SPIN1: variants seen among roughly 807,000 people sequenced by gnomAD.
The protein encoded by SPIN1 is spindlin-1.
A neutral mutation model predicts 26.0 loss-of-function variants in SPIN1; 3 were observed. The observed-to-expected ratio is 0.12, with a 90% CI of 0.05 to 0.30. SPIN1 has a LOEUF of 0.30. Ranked by LOEUF, SPIN1 falls within the 10% of genes least tolerant of loss-of-function variation. The pLI, the probability that SPIN1 is intolerant of heterozygous loss-of-function variation, is 1.00. For missense variants in SPIN1, 126 were observed against 333.4 expected, an observed-to-expected ratio of 0.38 and a Z score of 4.84; for synonymous variants, 101 against 116.5, an observed-to-expected ratio of 0.87 and a Z score of 0.86.
Position 88,468,391 on chromosome 9 carries a change from T to A in SPIN1, c.375T>A (p.Asp125Glu). Reference sequence around the variant, plus strand: ...CCCCAGCGACATCTCGAATCAGCGATGCACACTTGGCAGACACAATGATTG... The same window carrying A: ...CCCCAGCGACATCTCGAATCAGCGAAGCACACTTGGCAGACACAATGATTG... ...PDRVATSRIS[D>E]AHLADTMIGK... The change falls in exon 5 of 6, where the codon GAT (aspartate) becomes GAA (glutamate). Residue 125 changes from aspartate (D) to glutamate (E), a missense_variant. Around this residue, in one of 7 missense-constraint regions of SPIN1, gnomAD observed 23 missense variants for 43.0 expected, o/e 0.54. Transcript: ENST00000375859. 6.3e-7 allele frequency: 1 copy of A among 1,591,750 alleles called. No individual in the cohort carries two copies. The highest frequency in any genetic ancestry group is 8.5e-7 in the Non-Finnish European group (1 of 1,170,826).
At chr9:88,460,925 TTAGA>T (rs1196709973) in intron 3 of SPIN1, among the ~76,000 whole-genome samples, 7 of 152,336 alleles carry the variant, frequency 4.6e-5, no homozygotes, top group African/African-American at 1.7e-4. Context: ...TTGCTCAGTG[TTAGA>T]TAGTAGTTTT....
chr9:88,402,513 T>TC (rs1564022731), intron 1 of SPIN1, among the ~76,000 whole-genome samples: 2 of 151,548 alleles, frequency 1.3e-5, no homozygotes, highest in Non-Finnish European at 2.9e-5. Flanking sequence ...AGGTCAACTT[T>TC]TTTTTTTTTT....
chr9:88,403,881 T>C (rs1159194354), intron 1 of SPIN1, among the ~76,000 whole-genome samples: 1 of 152,232 alleles, frequency 6.6e-6, no homozygotes, highest in African/African-American at 2.4e-5. Context: ...GTCTTACTTA[T>C]TTTTCCAGCA....
intron 2 of SPIN1, among the ~76,000 whole-genome samples, chr9:88,432,132 G>A (rs1034606274): frequency 6.6e-6 from 1 of 151,584 alleles, no homozygotes; most frequent in African/African-American, 2.4e-5. Context: ...CTACTTGGAT[G>A]TTTGGCCTCT....
chr9:88,406,169 C>A (rs888697678), intron 1 of SPIN1, among the ~76,000 whole-genome samples: 3 of 151,940 alleles, frequency 2.0e-5, no homozygotes, highest in African/African-American at 7.3e-5. Flanking sequence ...CTGTGCCTGG[C>A]TCTATTATAA....
At chr9:88,438,807 A>G (rs942887922) in intron 2 of SPIN1, among the ~76,000 whole-genome samples, 1 of 152,200 alleles carries the variant, frequency 6.6e-6, no homozygotes, top group Non-Finnish European at 1.5e-5. Context: ...AGATGACATT[A>G]ATACTAAAGA....
chr9:88,388,966 G>A (rs1294825638), intron 1 of SPIN1, among the ~76,000 whole-genome samples: 1 of 151,230 alleles, frequency 6.6e-6, no homozygotes, highest in East Asian at 2.0e-4. Context: ...ATGCAGGCGG[G>A]GAGGGGGAAC....
At chr9:88,389,354 G>C (rs1056408491) in intron 1 of SPIN1, 1 of 152,192 alleles carries the variant, frequency 6.6e-6, no homozygotes, top group Non-Finnish European at 1.5e-5. Flanking sequence ...CAGCGCCTCG[G>C]GTTTGGCTTT....
intron 1 of SPIN1, among the ~76,000 whole-genome samples, chr9:88,395,635 A>G (rs549433781): frequency 1.3e-5 from 2 of 152,106 alleles, no homozygotes; most frequent in South Asian, 4.2e-4. Context: ...TTTTGTAGAG[A>G]TGAGGTCTCA....
intron 2 of SPIN1, among the ~76,000 whole-genome samples, chr9:88,441,246 A>C (rs972995625): frequency 2.0e-5 from 3 of 151,832 alleles, no homozygotes; most frequent in African/African-American, 7.3e-5. Flanking sequence ...CCTAGGTTAG[A>C]TGCAAATACT....
At chr9:88,406,437 C>T (rs1477675826) in intron 1 of SPIN1, among the ~76,000 whole-genome samples, 1 of 151,894 alleles carries the variant, frequency 6.6e-6, no homozygotes, top group South Asian at 2.1e-4. Context: ...ACTACAGGCG[C>T]CTGCCAACCA....
At chr9:88,420,695 A>C (rs1827652169) in intron 1 of SPIN1, among the ~76,000 whole-genome samples, 1 of 152,192 alleles carries the variant, frequency 6.6e-6, no homozygotes, top group South Asian at 2.1e-4. Flanking sequence ...ATCTACAATG[A>C]AGATTAAGTT....
chr9:88,395,473 T>C (rs1020002270), intron 1 of SPIN1, among the ~76,000 whole-genome samples: 3 of 152,148 alleles, frequency 2.0e-5, no homozygotes, highest in Non-Finnish European at 2.9e-5. Flanking sequence ...CTCTTGGCTG[T>C]TATAAATATT....
At chr9:88,455,050 A>G (rs1828443238) in intron 3 of SPIN1, among the ~76,000 whole-genome samples, 2 of 152,272 alleles carry the variant, frequency 1.3e-5, no homozygotes. Flanking sequence ...ATTGCTCTTG[A>G]ATCACAAAAA....
chr9:88,426,478 T>G lies in SPIN1; in HGVS notation c.-62T>G. The G allele has an allele frequency of 5.1e-6, 7 of 1,382,910 alleles. No homozygotes were observed. The highest frequency in any genetic ancestry group is 7.1e-6 in the Non-Finnish European group (7 of 980,848). The allele number at this position is 1,382,910 out of a possible 1,614,324, so 85.7% of individuals were successfully genotyped here. On this transcript the variant is annotated 5_prime_UTR_variant, in exon 2 of 6. Transcript: ENST00000375859. ...CTAACATTCTGTGAAAAGTTTCAAATTGGAGAATATTGAATTTTCACCCTA... is the reference window on the plus strand; with the variant it reads ...CTAACATTCTGTGAAAAGTTTCAAAGTGGAGAATATTGAATTTTCACCCTA...
chr9:88,438,825 C>G (rs1480569649), intron 2 of SPIN1, among the ~76,000 whole-genome samples: 1 of 152,236 alleles, frequency 6.6e-6, no homozygotes, highest in South Asian at 2.1e-4. Flanking sequence ...AGAAAAAGTG[C>G]CTGTTGATGA....
At chr9:88,445,708 C>T in intron 2 of SPIN1, among the ~76,000 whole-genome samples, 1 of 151,124 alleles carries the variant, frequency 6.6e-6, no homozygotes. Context: ...TTTTTTTCCC[C>T]CCGTATTTTT....
At chr9:88,396,356 C>T (rs1029630092) in intron 1 of SPIN1, among the ~76,000 whole-genome samples, 1 of 151,978 alleles carries the variant, frequency 6.6e-6, no homozygotes, top group African/African-American at 2.4e-5. Context: ...ACTCCCAGCA[C>T]TTTGGGAGGC....
chr9:88,393,132 C>CCTT (rs778362719), intron 1 of SPIN1, among the ~76,000 whole-genome samples: 1 of 124,894 alleles, frequency 8.0e-6, no homozygotes, highest in East Asian at 2.4e-4. Context: ...GTTAAATGTG[C>CCTT]TTTTTTTTTT....
Sources: gnomAD v4.1 joint callset for allele counts (sites outside exome capture counted in the v4.1 genomes callset) on GRCh38, gnomAD v4.1.1 for gene constraint, gnomAD v4.1.1 regional missense constraint, MANE v1.5 for transcripts, NCBI Gene and HGNC (gene_info 2026-07-23, HGNC 2026-07-21) for gene names.